Variants in ADAM10 observed in about 807,000 individuals in gnomAD.
The protein encoded by ADAM10 is ADAM metallopeptidase domain 10.
ADAM10 carries 17 observed loss-of-function variants against 90.1 expected under a neutral mutation model. That is an observed-to-expected ratio of 0.19 (90% CI 0.13 to 0.28). The LOEUF (loss-of-function observed/expected upper bound fraction) is 0.28. Among genes scored for constraint, ADAM10 ranks in the 10% least tolerant of loss-of-function variants. ADAM10 has a pLI of 1.00. For synonymous variants in ADAM10, 310 were observed against 298.6 expected, an observed-to-expected ratio of 1.04 and a Z score of -0.40; for missense variants, 610 against 914.3, an observed-to-expected ratio of 0.67 and a Z score of 4.29.
At chr15:58,644,722 T>C (rs1234299006) in intron 6 of ADAM10, among the ~76,000 whole-genome samples, 7 of 152,218 alleles carry the variant, frequency 4.6e-5, no homozygotes, top group Non-Finnish European at 1.5e-5. Flanking sequence ...TCCCTGACTT[T>C]AATCCTTCTA....
rs138586707 is a variant in ADAM10 at position 58,615,566 on chromosome 15, A to G, written c.1512-3575T>C. 4.0e-3 allele frequency among the ~76,000 whole-genome samples: 607 copies of G among 152,256 alleles called. 4 individuals carry two copies. Among genetic ancestry groups the G allele is most frequent in the African/African-American group, 0.014 (570 of 41,534 alleles). ...TCCCAAACACATGACACATCCACCTATATGCTGCTTACAAGAAAATCATTT... is the reference window on the plus strand; with the variant it reads ...TCCCAAACACATGACACATCCACCTGTATGCTGCTTACAAGAAAATCATTT... On this transcript the variant is annotated intron_variant, in intron 11 of 15. Coordinates refer to ENST00000260408, the MANE Select transcript of ADAM10 (RefSeq NM_001110.4).
At position 58,633,365 on chromosome 15, in the gene ADAM10, C is replaced by G. The variant is rs1413528996; in HGVS notation, c.1013-6G>C. The G allele has an allele frequency of 1.9e-6, 3 of 1,612,860 alleles. No homozygotes were observed. In the East Asian group the frequency reaches 6.7e-5, roughly 36 times the overall value. On this transcript the variant is annotated splice_region_variant and splice_polypyrimidine_tract_variant and intron_variant, in intron 8 of 15. Transcript: ENST00000260408. ...ACATATTCCTCCAGAGCTTCCTAAT[C>G]CAGAACAAAAAAATGGCTAAATTAG...
chr15:58,640,128 T>TATTG (rs539112801), intron 8 of ADAM10, among the ~76,000 whole-genome samples: 56 of 152,220 alleles, frequency 3.7e-4, no homozygotes, highest in African/African-American at 1.3e-3. Context: ...ATGGGAAGGG[T>TATTG]ATTGTCCCAT....
chr15:58,687,985 T>C (rs1274236572), intron 2 of ADAM10, among the ~76,000 whole-genome samples: 13 of 152,106 alleles, frequency 8.5e-5, no homozygotes, highest in African/African-American at 3.1e-4. Context: ...GTAGGGATAA[T>C]TACACAAGAC....
At chr15:58,661,793 ACTGT>A (rs1408035188) in intron 5 of ADAM10, among the ~76,000 whole-genome samples, 2 of 152,082 alleles carry the variant, frequency 1.3e-5, no homozygotes, top group Non-Finnish European at 2.9e-5. Context: ...AGATATGGAT[ACTGT>A]CTATTTTATT....
chr15:58,660,152 C>T (rs1896933226), intron 5 of ADAM10, among the ~76,000 whole-genome samples: 1 of 152,070 alleles, frequency 6.6e-6, no homozygotes, highest in Admixed American at 6.6e-5. Flanking sequence ...CATTTTATGA[C>T]CCAAATCCAA....
At chr15:58,626,962 G>T (rs1895966527) in intron 10 of ADAM10, among the ~76,000 whole-genome samples, 1 of 151,960 alleles carries the variant, frequency 6.6e-6, no homozygotes, top group South Asian at 2.1e-4. Flanking sequence ...GTTTAAAATG[G>T]CACACTTTAT....
At chr15:58,621,426 G>A (rs960963942) in intron 11 of ADAM10, 45 bp downstream of exon 11, 3 of 1,610,634 alleles carry the variant, frequency 1.9e-6, no homozygotes, top group African/African-American at 1.3e-5. Context: ...ACTGCATTGA[G>A]GTAACTTTAC....
chr15:58,605,604 T>C (rs1021966017), intron 14 of ADAM10, among the ~76,000 whole-genome samples: 1 of 152,170 alleles, frequency 6.6e-6, no homozygotes. Flanking sequence ...CCTGTTAGTC[T>C]GAAAGAAAGG....
chr15:58,685,545 A>AATATATATATATATATATAT (rs56776777), intron 2 of ADAM10, among the ~76,000 whole-genome samples: 1 of 116,218 alleles, frequency 8.6e-6, no homozygotes. Flanking sequence ...TATGAAGGAG[A>AATATATATATATATATATAT]ATATATATAT....
rs573492996 is a variant in ADAM10 at position 58,630,290 on chromosome 15, A to C, written c.1177-2407T>G. On this transcript the variant is annotated intron_variant, in intron 9 of 15. Coordinates refer to ENST00000260408, the MANE Select transcript of ADAM10 (RefSeq NM_001110.4). ...GCCATATTCATTTACATCATATAACAACACGGATCAAGATTTCAACAGGCA... is the reference window on the plus strand; with the variant it reads ...GCCATATTCATTTACATCATATAACCACACGGATCAAGATTTCAACAGGCA... Among the ~76,000 whole-genome samples, 3 of 152,304 alleles carry C rather than the reference A, an allele frequency of 2.0e-5. No individual in the cohort carries two copies. The South Asian group carries it at 6.2e-4, about 32-fold the overall frequency.
intron 2 of ADAM10, among the ~76,000 whole-genome samples, chr15:58,683,109 G>A (rs1184335728): frequency 6.6e-6 from 1 of 151,916 alleles, no homozygotes; most frequent in East Asian, 1.9e-4. Flanking sequence ...ATTTTATAAC[G>A]TATATAAAGT....
rs193191668 is a variant in ADAM10 at position 58,682,302 on chromosome 15, T to C, written c.219A>G (p.Leu73=). ...DFHAHGRHFN[L]RMKRDTSLFS... is the part of the protein sequence containing the mutation. ...AAAGGGAAGTGTCCCTCTTCATTCG[T>C]AGGTTGAAATGTCTGTAAAATGGGA... Residue 73 remains leucine, a synonymous_variant, in exon 3 of 16, where the codon CTA becomes CTG. Transcript: ENST00000260408. 279 of 1,612,688 alleles carry C rather than the reference T, an allele frequency of 1.7e-4. 1 individual carries two copies. In the Admixed American group the frequency reaches 4.5e-3, roughly 26 times the overall value.
intron 2 of ADAM10, among the ~76,000 whole-genome samples, chr15:58,682,733 A>T (rs1897473877): frequency 6.6e-6 from 1 of 152,164 alleles, no homozygotes; most frequent in Non-Finnish European, 1.5e-5. Context: ...ATAAGAAAAT[A>T]CAGAAGAAAG....
At chr15:58,616,221 T>C (rs1257811764) in intron 11 of ADAM10, among the ~76,000 whole-genome samples, 1 of 152,184 alleles carries the variant, frequency 6.6e-6, no homozygotes, top group Middle Eastern at 3.2e-3. Flanking sequence ...ACTGGACAGA[T>C]AATCTAGACA....
At chr15:58,702,541 T>C (rs1184966161) in intron 2 of ADAM10, among the ~76,000 whole-genome samples, 1 of 152,244 alleles carries the variant, frequency 6.6e-6, no homozygotes, top group African/African-American at 2.4e-5. Context: ...TTTCACATTG[T>C]ATGCATGTAA....
At chr15:58,649,824 ATC>A (rs1169989639) in intron 5 of ADAM10, among the ~76,000 whole-genome samples, 1 of 152,140 alleles carries the variant, frequency 6.6e-6, no homozygotes, top group African/African-American at 2.4e-5. Flanking sequence ...GTTGTTTGAT[ATC>A]TCTCTGTTAC....
rs1454721749 is a variant in ADAM10 at position 58,717,741 on chromosome 15, AC to A, written c.56-15del. On this transcript the variant is annotated splice_polypyrimidine_tract_variant and intron_variant, in intron 1 of 15. Transcript: ENST00000260408. ...TCCCATACTGACCTATAAAAAAAAA[AC>A]AACATTCTGAATTAGTATCATCTTG... 22 of 1,607,126 alleles carry A rather than the reference AC, an allele frequency of 1.4e-5. No homozygotes were observed. The highest frequency in any genetic ancestry group is 2.7e-5 in the African/African-American group (2 of 74,820).
chr15:58,690,084 G>C (rs1566996317), intron 2 of ADAM10, among the ~76,000 whole-genome samples: 2 of 152,064 alleles, frequency 1.3e-5, no homozygotes, highest in Non-Finnish European at 1.5e-5. Flanking sequence ...TAAGAGGCTG[G>C]CTTAACATTC....
Sources: gnomAD v4.1 joint callset for allele counts (sites outside exome capture counted in the v4.1 genomes callset) on GRCh38, gnomAD v4.1.1 for gene constraint, MANE v1.5 for transcripts, NCBI Gene and HGNC (gene_info 2026-07-23, HGNC 2026-07-21) for gene names.